Variants in AGTPBP1 observed in about 807,000 individuals in gnomAD.
AGTPBP1 encodes ATP/GTP binding carboxypeptidase 1.
In AGTPBP1, 70 loss-of-function variants were observed where a neutral mutation model predicts 143.9. The ratio of observed to expected loss-of-function variants is 0.49; its 90% confidence interval spans 0.40 to 0.59. The LOEUF (loss-of-function observed/expected upper bound fraction) is 0.59. Among genes scored for constraint, AGTPBP1 ranks in the 20% least tolerant of loss-of-function variants. AGTPBP1 has a pLI of 0.00. For synonymous variants in AGTPBP1, 463 were observed against 500.2 expected (o/e 0.93, Z 0.99); for missense variants, 1,229 against 1,464.5 (o/e 0.84, Z 2.62).
At chr9:85,660,034 T>C (rs1564115856) in intron 9 of AGTPBP1, among the ~76,000 whole-genome samples, 1 of 152,044 alleles carries the variant, frequency 6.6e-6, no homozygotes, top group African/African-American at 2.4e-5. Context: ...TAAAATTTAA[T>C]AAATCATTAC....
At chr9:85,675,178 G>A (rs542562799) in intron 6 of AGTPBP1, among the ~76,000 whole-genome samples, 1 of 152,050 alleles carries the variant, frequency 6.6e-6, no homozygotes, top group Non-Finnish European at 1.5e-5. Flanking sequence ...TTACAGGCAT[G>A]AGACACCGTA....
intron 25 of AGTPBP1, among the ~76,000 whole-genome samples, chr9:85,547,893 TC>T (rs1260363442): frequency 6.6e-6 from 1 of 152,210 alleles, no homozygotes; most frequent in African/African-American, 2.4e-5. Context: ...ACTAAGTGCT[TC>T]TAAATATTTC....
At chr9:85,647,574 T>C (rs935583722) in intron 11 of AGTPBP1, among the ~76,000 whole-genome samples, 3 of 152,210 alleles carry the variant, frequency 2.0e-5, no homozygotes, top group Non-Finnish European at 4.4e-5. Flanking sequence ...TAAATGCTAA[T>C]GAAGCCATAA....
intron 2 of AGTPBP1, among the ~76,000 whole-genome samples, chr9:85,703,041 C>T (rs1836771242): frequency 6.6e-6 from 1 of 152,156 alleles, no homozygotes; most frequent in Non-Finnish European, 1.5e-5. Flanking sequence ...CTGAGATCTG[C>T]TATTCTGAGC....
At chr9:85,644,841 T>C (rs1469642955) in intron 12 of AGTPBP1, among the ~76,000 whole-genome samples, 1 of 152,012 alleles carries the variant, frequency 6.6e-6, no homozygotes, top group Non-Finnish European at 1.5e-5. Flanking sequence ...GATGAAGGAA[T>C]AGGATTCAGA....
intron 14 of AGTPBP1, among the ~76,000 whole-genome samples, chr9:85,631,876 ACT>A (rs1831701046): frequency 6.6e-6 from 1 of 152,104 alleles, no homozygotes; most frequent in Non-Finnish European, 1.5e-5. Flanking sequence ...ACAAATATTC[ACT>A]CATTGGCAAT....
intron 25 of AGTPBP1, among the ~76,000 whole-genome samples, chr9:85,568,099 G>T (rs1291098153): frequency 6.6e-6 from 1 of 152,144 alleles, no homozygotes; most frequent in African/African-American, 2.4e-5. Context: ...AGACTGATCT[G>T]TTCTAAAATA....
chr9:85,664,239 G>A (rs116257622), intron 8 of AGTPBP1, among the ~76,000 whole-genome samples: 90 of 152,240 alleles, frequency 5.9e-4, no homozygotes, highest in African/African-American at 2.0e-3. Flanking sequence ...AGCTTGATGT[G>A]GTGATAGTTT....
chr9:85,612,157 G>C (rs2133442696), intron 17 of AGTPBP1, among the ~76,000 whole-genome samples: 1 of 152,224 alleles, frequency 6.6e-6, no homozygotes, highest in South Asian at 2.1e-4. Flanking sequence ...AAATCTCTTA[G>C]AACTTCCTGG....
Position 85,547,052 on chromosome 9 carries a change from A to C in AGTPBP1, c.*57T>G. The C allele has an allele frequency of 1.4e-6, 2 of 1,474,746 alleles. No homozygotes were observed. Among genetic ancestry groups the C allele is most frequent in the African/African-American group, 2.9e-5 (2 of 69,850 alleles). The allele number at this position is 1,474,746 out of a possible 1,614,324, so 91.4% of individuals were successfully genotyped here. ...CTCATTTCTCTCAAGCTTCCTGGGA[A>C]ATAAAAACCAAGATATTTCATTTAT... On this transcript the variant is annotated 3_prime_UTR_variant, in exon 26 of 26. Coordinates refer to ENST00000357081, the MANE Select transcript of AGTPBP1 (RefSeq NM_001330701.2).
the AGTPBP1 span, among the ~76,000 whole-genome samples, chr9:85,756,745 T>C: frequency 6.6e-6 from 1 of 152,158 alleles, no homozygotes; most frequent in Non-Finnish European, 1.5e-5. Context: ...ATCCATACAA[T>C]AGCATATTAT....
chr9:85,762,795 A>G, the AGTPBP1 span, among the ~76,000 whole-genome samples: 1 of 146,802 alleles, frequency 6.8e-6, no homozygotes, highest in African/African-American at 2.5e-5. Context: ...CTTTATATAT[A>G]TAAAACTTTA....
intron 15 of AGTPBP1, 25 bp from the exon 16 acceptor site, chr9:85,619,326 G>A (rs190970371): frequency 4.6e-6 from 7 of 1,523,066 alleles, no homozygotes; most frequent in African/African-American, 1.4e-5. Flanking sequence ...TAAAGTAAAT[G>A]TATTAAAATA....
At chr9:85,648,407 G>A (rs576124308) in intron 11 of AGTPBP1, among the ~76,000 whole-genome samples, 1 of 152,292 alleles carries the variant, frequency 6.6e-6, no homozygotes, top group South Asian at 2.1e-4. Flanking sequence ...TATTTCACAT[G>A]GTAACCTGGG....
the AGTPBP1 span, among the ~76,000 whole-genome samples, chr9:85,747,937 CT>C: frequency 5.9e-5 from 9 of 151,676 alleles, no homozygotes; most frequent in East Asian, 3.9e-4. Context: ...TTATTTTCAA[CT>C]TTTTTTTTCT....
chr9:85,607,429 C>T (rs1352389760), intron 17 of AGTPBP1, among the ~76,000 whole-genome samples: 1 of 151,932 alleles, frequency 6.6e-6, no homozygotes, highest in Non-Finnish European at 1.5e-5. Flanking sequence ...AGTAAGTTGC[C>T]CCAGCAAGAA....
intron 17 of AGTPBP1, among the ~76,000 whole-genome samples, chr9:85,609,420 A>AGCTGGGAT (rs1830182466): frequency 6.6e-6 from 1 of 151,776 alleles, no homozygotes; most frequent in Admixed American, 6.6e-5. Flanking sequence ...CCTCCCAGGT[A>AGCTGGGAT]GCTGGGATTA....
At chr9:85,598,141 T>A (rs1026347134) in intron 17 of AGTPBP1, among the ~76,000 whole-genome samples, 4 of 152,132 alleles carry the variant, frequency 2.6e-5, no homozygotes, top group African/African-American at 9.7e-5. Context: ...AGAATCTCAC[T>A]TTTTCCTCAT....
intron 1 of AGTPBP1, among the ~76,000 whole-genome samples, chr9:85,737,739 C>T (rs1384144093): frequency 6.6e-6 from 1 of 152,158 alleles, no homozygotes; most frequent in Non-Finnish European, 1.5e-5. Flanking sequence ...CTAGAGCATG[C>T]AAAAATCCAC....
Sources: gnomAD v4.1 joint callset for allele counts (sites outside exome capture counted in the v4.1 genomes callset) on GRCh38, gnomAD v4.1.1 for gene constraint, MANE v1.5 for transcripts, NCBI Gene and HGNC (gene_info 2026-07-23, HGNC 2026-07-21) for gene names.